Variants in CABYR observed in about 807,000 individuals in gnomAD.
CABYR encodes the protein calcium-binding tyrosine phosphorylation-regulated protein.
A neutral mutation model predicts 36.1 loss-of-function variants in CABYR; 31 were observed. That is an observed-to-expected ratio of 0.86 (90% CI 0.64 to 1.16). The LOEUF is 1.16. CABYR is among the 50% of genes most tolerant of loss of function. The probability of loss-of-function intolerance (pLI) is 0.00; values close to 1 mark genes in which losing one functional copy is unlikely to be tolerated. For missense variants in CABYR, 429 were observed against 455.8 expected (o/e 0.94, Z 0.53); for synonymous variants, 146 against 160.7 (o/e 0.91, Z 0.69).
chr18:24,143,380 A>G lies in CABYR; in HGVS notation c.166A>G (p.Lys56Glu). ...TTCAGGGAATACTACTATGGATATA[A>G]AAGATCTGGTTAAACAATTTCATCA... ...MYRGNTTMDI[K>E]DLVKQFHQIK... Residue 56 changes from lysine (K) to glutamate (E), a missense_variant, in exon 3 of 6, where the codon AAA becomes GAA. By Grantham distance (56) the Lys-to-Glu change is moderately conservative. Transcript: ENST00000399496. 1 of 1,580,450 alleles carries G rather than the reference A, an allele frequency of 6.3e-7. No individual in the cohort carries two copies. The highest frequency in any genetic ancestry group is 1.4e-5 in the African/African-American group (1 of 74,044).
chr18:24,150,667 T>G (rs936716313), intron 3 of CABYR: 12 of 609,270 alleles, frequency 2.0e-5, no homozygotes, highest in Non-Finnish European at 2.3e-5. Context: ...ACAGACTAGT[T>G]GGAATCTTTT....
chr18:24,156,777 A>G, intron 4 of CABYR: 4 of 1,614,206 alleles, frequency 2.5e-6, no homozygotes, highest in Non-Finnish European at 3.4e-6. Flanking sequence ...GATCACTTCA[A>G]TAGTCTCTGA....
intron 3 of CABYR, among the ~76,000 whole-genome samples, chr18:24,154,944 T>G (rs921498266): frequency 1.3e-5 from 2 of 152,224 alleles, no homozygotes; most frequent in African/African-American, 4.8e-5. Context: ...GGCTGCATGA[T>G]CACACATTAT....
At chr18:24,157,082 C>A in intron 4 of CABYR, 2 of 966,040 alleles carry the variant, frequency 2.1e-6, no homozygotes, top group Non-Finnish European at 1.5e-6. Flanking sequence ...CGGCTCCCTG[C>A]AGATTGGTCA....
chr18:24,150,889 C>T (rs2145870219), intron 3 of CABYR, among the ~76,000 whole-genome samples: 1 of 151,930 alleles, frequency 6.6e-6, no homozygotes, highest in Middle Eastern at 3.4e-3. Context: ...ACGCCATTCT[C>T]CTGCCTCAGC....
intron 4 of CABYR, chr18:24,156,532 C>T: frequency 6.2e-7 from 1 of 1,614,060 alleles, no homozygotes; most frequent in Non-Finnish European, 8.5e-7. Context: ...CGAGTTAGTC[C>T]CAAATCTGTA....
At chr18:24,148,796 TG>T (rs2145864206) in intron 3 of CABYR, 1 of 150,760 alleles carries the variant, frequency 6.6e-6, no homozygotes, top group South Asian at 2.1e-4. Flanking sequence ...GTGGTCTTGC[TG>T]GCTTCAGGAG....
chr18:24,150,598 G>A, intron 3 of CABYR: 6 of 983,114 alleles, frequency 6.1e-6, no homozygotes, highest in Non-Finnish European at 7.2e-6. Flanking sequence ...GGAGGAAGAG[G>A]GGAGAAACTA....
Position 24,143,254 on chromosome 18 carries a change from A to T in CABYR, c.140A>T (p.Tyr47Phe). The part of the protein sequence containing the change: ...AAAYFQELTM[Y>F]RGNTTMDIKD... Reference sequence around the variant, plus strand: ...GCTTATTTTCAAGAACTTACTATGTATAGAGGTTTGTTATTCCTTTATATA... The same window carrying T: ...GCTTATTTTCAAGAACTTACTATGTTTAGAGGTTTGTTATTCCTTTATATA... Residue 47 changes from tyrosine (Y) to phenylalanine (F), a missense_variant, in exon 2 of 6, where the codon TAT becomes TTT. Physicochemically the swap from Tyr to Phe is conservative, Grantham distance 22. Coordinates refer to ENST00000399496, the MANE Select transcript of CABYR (RefSeq NM_153769.3). 1 of 1,610,092 alleles carries T rather than the reference A, an allele frequency of 6.2e-7. No homozygotes were observed. Among genetic ancestry groups the T allele is most frequent in the Non-Finnish European group, 8.5e-7 (1 of 1,179,076 alleles).
At chr18:24,159,450 C>A in intron 4 of CABYR, 22 bp from the exon 5 acceptor site, 6 of 1,583,594 alleles carry the variant, frequency 3.8e-6, no homozygotes, top group Non-Finnish European at 5.2e-6. Context: ...AACTTTAATT[C>A]CTGCAAAATT....
At chr18:24,143,783 G>GCCACAGCCTC (rs1236195572) in intron 3 of CABYR, among the ~76,000 whole-genome samples, 3 of 152,130 alleles carry the variant, frequency 2.0e-5, no homozygotes, top group Non-Finnish European at 4.4e-5. Flanking sequence ...TGATCTTCCT[G>GCCACAGCCTC]CCACAGCCTC....
At chr18:24,151,804 C>T (rs2085644760) in intron 3 of CABYR, among the ~76,000 whole-genome samples, 1 of 151,892 alleles carries the variant, frequency 6.6e-6, no homozygotes, top group Non-Finnish European at 1.5e-5. Flanking sequence ...ATTCTCCTGC[C>T]TCAGCTTCCT....
intron 1 of CABYR, among the ~76,000 whole-genome samples, chr18:24,141,431 T>C (rs1223210402): frequency 6.6e-6 from 1 of 152,170 alleles, no homozygotes; most frequent in Admixed American, 6.5e-5. Flanking sequence ...GGGGAGAAAT[T>C]TCTCCTGGGT....
At chr18:24,156,544 T>G in intron 4 of CABYR, 1 of 1,614,140 alleles carries the variant, frequency 6.2e-7, no homozygotes, top group Non-Finnish European at 8.5e-7. Context: ...AAATCTGTAG[T>G]AGAAAAGACC....
chr18:24,157,296 A>G (rs1413983033), intron 4 of CABYR, among the ~76,000 whole-genome samples: 1 of 152,220 alleles, frequency 6.6e-6, no homozygotes, highest in African/African-American at 2.4e-5. Context: ...TCAGGTACAA[A>G]ATATATTCAT....
chr18:24,150,104 G>A (rs1180805947), intron 3 of CABYR, among the ~76,000 whole-genome samples: 2 of 152,278 alleles, frequency 1.3e-5, no homozygotes, highest in East Asian at 3.8e-4. Context: ...GCAGCACGCT[G>A]TCACTTCTCA....
intron 4 of CABYR, chr18:24,156,442 A>G (rs1401938712): frequency 6.2e-7 from 1 of 1,614,204 alleles, no homozygotes; most frequent in Admixed American, 1.7e-5. Flanking sequence ...CAACTGCCAG[A>G]ACAAATAGTT....
intron 3 of CABYR, among the ~76,000 whole-genome samples, chr18:24,146,696 A>G (rs1272455357): frequency 6.6e-6 from 1 of 152,232 alleles, no homozygotes; most frequent in Non-Finnish European, 1.5e-5. Flanking sequence ...TACAAAGAAA[A>G]TGACACACAG....
intron 1 of CABYR, among the ~76,000 whole-genome samples, chr18:24,141,620 C>A (rs899019407): frequency 6.6e-6 from 1 of 152,218 alleles, no homozygotes; most frequent in African/African-American, 2.4e-5. Context: ...GGAGTGCTAA[C>A]TTTACCTGTA....
Sources: allele counts gnomAD v4.1 joint callset (sites outside exome capture counted in the v4.1 genomes callset), GRCh38; gene constraint gnomAD v4.1.1; transcripts MANE v1.5; gene names NCBI Gene and HGNC (gene_info 2026-07-23, HGNC 2026-07-21).